Variants in RAI14 observed in about 807,000 individuals in gnomAD.
RAI14 encodes the protein ankycorbin.
Under a neutral mutation model 115.4 loss-of-function variants are expected in RAI14, and 45 were observed. The observed-to-expected ratio is 0.39, with a 90% CI of 0.31 to 0.50. RAI14 has a LOEUF of 0.50. Among genes scored for constraint, RAI14 ranks in the 20% least tolerant of loss-of-function variants. The pLI, the probability that RAI14 is intolerant of heterozygous loss-of-function variation, is 0.85. For missense variants in RAI14, 939 were observed against 1,131.2 expected (o/e 0.83, Z 2.44); for synonymous variants, 371 against 415.4 (o/e 0.89, Z 1.30).
intron 3 of RAI14, among the ~76,000 whole-genome samples, chr5:34,769,273 G>C (rs1323226348): frequency 6.6e-6 from 1 of 152,124 alleles, no homozygotes; most frequent in African/African-American, 2.4e-5. Flanking sequence ...TATTGCAGCT[G>C]CTTTTGAAAT....
chr5:34,724,563 C>T (rs192547047), intron 2 of RAI14, among the ~76,000 whole-genome samples: 6 of 152,046 alleles, frequency 3.9e-5, no homozygotes, highest in Non-Finnish European at 8.8e-5. Context: ...GCAAGTGGAC[C>T]GAGAAATCCA....
chr5:34,822,913 T>C (rs1349473357), intron 14 of RAI14, 43 bp from the exon 15 acceptor site: 5 of 1,505,336 alleles, frequency 3.3e-6, no homozygotes, highest in East Asian at 2.3e-5. Context: ...GGTCTCAATC[T>C]CCTGACCTTT....
chr5:34,778,114 CATA>C (rs2150151330), intron 3 of RAI14, among the ~76,000 whole-genome samples: 1 of 152,196 alleles, frequency 6.6e-6, no homozygotes, highest in South Asian at 2.1e-4. Flanking sequence ...ACATGTACTC[CATA>C]ATAAGTAAAA....
intron 2 of RAI14, among the ~76,000 whole-genome samples, chr5:34,746,837 C>T (rs1218517005): frequency 1.3e-5 from 2 of 152,170 alleles, no homozygotes; most frequent in Non-Finnish European, 2.9e-5. Flanking sequence ...AGAATTCTCA[C>T]ATGTTGTTGG....
At chr5:34,670,261 A>C (rs1217419610) in intron 1 of RAI14, among the ~76,000 whole-genome samples, 1 of 152,194 alleles carries the variant, frequency 6.6e-6, no homozygotes, top group African/African-American at 2.4e-5. Context: ...GTGTTGTCTC[A>C]CGTGCAGCCC....
intron 2 of RAI14, among the ~76,000 whole-genome samples, chr5:34,745,588 C>T (rs528027202): frequency 6.6e-6 from 1 of 152,116 alleles, no homozygotes; most frequent in Admixed American, 6.5e-5. Flanking sequence ...ACCCTTTGAC[C>T]CTGGAATCTC....
At chr5:34,758,829 T>A (rs999245274) in intron 3 of RAI14, among the ~76,000 whole-genome samples, 4 of 152,226 alleles carry the variant, frequency 2.6e-5, no homozygotes, top group Non-Finnish European at 5.9e-5. Context: ...AGAGACTACA[T>A]GGCTCACAAA....
intron 4 of RAI14, among the ~76,000 whole-genome samples, chr5:34,796,740 G>A (rs148595435): frequency 1.3e-5 from 2 of 152,074 alleles, no homozygotes; most frequent in East Asian, 1.9e-4. Context: ...AGCTGCCCAC[G>A]ATTCTCACCC....
At position 34,824,227 on chromosome 5, in the gene RAI14, C is replaced by T; in HGVS notation, c.2385C>T (p.Ser795=). Residue 795 remains serine (S), a synonymous_variant, in exon 15 of 18, where the codon TCC becomes TCT. Coordinates refer to ENST00000265109, the MANE Select transcript of RAI14 (RefSeq NM_015577.3). ...CTTCCTATGAAAAACTCCAGTCATC[C>T]TTAGAGAGTGAAGTGAGTGTGTTGG... The part of the protein sequence containing the change: ...PRSSYEKLQS[S]LESEVSVLAS... 1 of 1,614,078 alleles carries T rather than the reference C, an allele frequency of 6.2e-7. No individual in the cohort carries two copies. Among genetic ancestry groups the T allele is most frequent in the Non-Finnish European group, 8.5e-7 (1 of 1,179,982 alleles).
chr5:34,724,511 T>G (rs551872081), intron 2 of RAI14, among the ~76,000 whole-genome samples: 1 of 152,188 alleles, frequency 6.6e-6, no homozygotes, highest in East Asian at 1.9e-4. Context: ...CCCCATGGCG[T>G]GACAGGAAGC....
intron 2 of RAI14, among the ~76,000 whole-genome samples, chr5:34,744,206 C>T (rs10472251): frequency 0.15 from 22,205 of 152,078 alleles, 1,753 homozygotes; most frequent in South Asian, 0.2. Flanking sequence ...TTGCTCAGAC[C>T]CTAAAATATT....
intron 3 of RAI14, among the ~76,000 whole-genome samples, chr5:34,777,233 C>T (rs939135957): frequency 1.3e-5 from 2 of 152,098 alleles, no homozygotes; most frequent in African/African-American, 4.8e-5. Flanking sequence ...GCATTATTTA[C>T]AATTCACAAT....
chr5:34,807,061 A>T (rs1446964886), intron 5 of RAI14, among the ~76,000 whole-genome samples: 2 of 152,184 alleles, frequency 1.3e-5, no homozygotes, highest in African/African-American at 4.8e-5. Context: ...TAATACTTAC[A>T]TAGCACTTAT....
At chr5:34,756,285 A>C (rs1747864985) in intron 2 of RAI14, among the ~76,000 whole-genome samples, 2 of 152,242 alleles carry the variant, frequency 1.3e-5, no homozygotes, top group South Asian at 4.2e-4. Flanking sequence ...TCTTCTTTTT[A>C]GTTTTTAAAT....
intron 3 of RAI14, among the ~76,000 whole-genome samples, chr5:34,766,971 T>C (rs1561333200): frequency 6.6e-6 from 1 of 152,144 alleles, no homozygotes; most frequent in Non-Finnish European, 1.5e-5. Context: ...TTTCCACTTT[T>C]GCATCTTCGT....
intron 3 of RAI14, among the ~76,000 whole-genome samples, chr5:34,760,717 CTTTA>C (rs1383788686): frequency 2.6e-5 from 4 of 152,152 alleles, no homozygotes; most frequent in Non-Finnish European, 2.9e-5. Flanking sequence ...CATGTGTTCT[CTTTA>C]TTTATTGTGG....
intron 2 of RAI14, among the ~76,000 whole-genome samples, chr5:34,753,259 T>G (rs893020510): frequency 1.3e-5 from 2 of 152,178 alleles, no homozygotes; most frequent in African/African-American, 4.8e-5. Flanking sequence ...ATGAATGAAT[T>G]ACTTTGGGAT....
intron 1 of RAI14, among the ~76,000 whole-genome samples, chr5:34,681,781 G>T (rs1744397921): frequency 6.6e-6 from 1 of 151,806 alleles, no homozygotes; most frequent in South Asian, 2.1e-4. Context: ...TTACAGATGT[G>T]AGTTGCTGTG....
chr5:34,824,363 C>T lies in RAI14; in HGVS notation c.2521C>T (p.Leu841Phe). The change falls in exon 15 of 18, where the codon CTC becomes TTC. Residue 841 changes from leucine to phenylalanine, a missense_variant. Transcript: ENST00000265109. ...VKREKENIQT[L>F]LKSKEQEVNE... ...AAGAGAAAAGGAAAATATTCAGACTCTCTTGAAATCCAAAGAGCAAGAAGT... is the reference window on the plus strand; with the variant it reads ...AAGAGAAAAGGAAAATATTCAGACTTTCTTGAAATCCAAAGAGCAAGAAGT... The T allele has an allele frequency of 6.2e-7, 1 of 1,613,540 alleles. No homozygotes were observed.
Sources: allele counts gnomAD v4.1 joint callset (sites outside exome capture counted in the v4.1 genomes callset), GRCh38; gene constraint gnomAD v4.1.1; transcripts MANE v1.5; gene names NCBI Gene and HGNC (gene_info 2026-07-23, HGNC 2026-07-21).